The following NR1H4 variants were observed in gnomAD, a reference collection of about 807,000 sequenced individuals.
NR1H4 encodes the protein nuclear receptor subfamily 1 group H member 4.
In NR1H4, 23 loss-of-function variants were observed where a neutral mutation model predicts 58.5. The observed-to-expected ratio is 0.39, with a 90% CI of 0.28 to 0.56. The LOEUF is 0.56. Among genes scored for constraint, NR1H4 ranks in the 20% least tolerant of loss-of-function variants. NR1H4 has a pLI of 0.58. For synonymous variants in NR1H4, 214 were observed against 198.0 expected, an observed-to-expected ratio of 1.08 and a Z score of -0.68; for missense variants, 487 against 576.9, an observed-to-expected ratio of 0.84 and a Z score of 1.60.
At chr12:100,541,771 A>G (rs1954941575) in intron 9 of NR1H4, among the ~76,000 whole-genome samples, 1 of 151,192 alleles carries the variant, frequency 6.6e-6, no homozygotes, top group Non-Finnish European at 1.5e-5. Context: ...TAATTTTTGT[A>G]TTTTTAGTAG....
intron 9 of NR1H4, among the ~76,000 whole-genome samples, chr12:100,551,107 C>G (rs1243253079): frequency 6.6e-6 from 1 of 152,126 alleles, no homozygotes; most frequent in Non-Finnish European, 1.5e-5. Context: ...TAATATTTGC[C>G]CAACTATCTG....
At chr12:100,548,120 C>A (rs2136280544) in intron 9 of NR1H4, among the ~76,000 whole-genome samples, 1 of 150,506 alleles carries the variant, frequency 6.6e-6, no homozygotes, top group East Asian at 2.0e-4. Context: ...GTAATCCCAG[C>A]CCTTTGGGAG....
At position 100,543,239 on chromosome 12, in the gene NR1H4, A is replaced by C. The variant is rs751455478; in HGVS notation, c.1078+2421A>C. On this transcript the variant is annotated intron_variant, in intron 9 of 10. Transcript: ENST00000392986. ...GAGGGTTACATTAAAGGGAAATAGA[A>C]AGGAATAAAAGAATCAGATGATTGA... 1.2e-4 allele frequency among the ~76,000 whole-genome samples: 18 copies of C among 152,150 alleles called. 1 individual carries two copies. The highest frequency in any genetic ancestry group is 2.4e-4 in the Non-Finnish European group (16 of 68,020).
chr12:100,495,776 A>C (rs1953702628), intron 3 of NR1H4, among the ~76,000 whole-genome samples: 1 of 151,176 alleles, frequency 6.6e-6, no homozygotes, highest in South Asian at 2.1e-4. Flanking sequence ...GGTATGCCAA[A>C]GGGGAGGACG....
Position 100,545,235 on chromosome 12 carries a change from A to G in NR1H4, c.1078+4417A>G, listed in dbSNP as rs1215352157. ...TGGGTTAGTACCAGATTCCTTCCCC[A>G]GCCTGGCTGAGGTGGGGAAAATCCC... On this transcript the variant is annotated intron_variant, in intron 9 of 10. Transcript: ENST00000392986. 1.3e-5 allele frequency among the ~76,000 whole-genome samples: 2 copies of G among 151,682 alleles called. 1 individual carries two copies. The highest frequency in any genetic ancestry group is 4.8e-5 in the African/African-American group (2 of 41,400).
In NR1H4 at chr12:100,560,336, C is replaced by T. The variant is rs183887999; in HGVS notation, c.1079-1549C>T. ...CCACACTGTGGAGGCTTTGTTCTTT[C>T]GCTCTTTGCAATAACTCTTGCTACT... On this transcript the variant is annotated intron_variant, in intron 9 of 10. Coordinates refer to ENST00000392986, the MANE Select transcript of NR1H4 (RefSeq NM_001206979.2). Among the ~76,000 whole-genome samples the T allele has an allele frequency of 4.3e-4, 65 of 152,300 alleles. No homozygotes were observed. The Middle Eastern group carries it at 0.014, about 32-fold the overall frequency.
At chr12:100,505,727 AT>A in intron 3 of NR1H4, 1 of 631,950 alleles carries the variant, frequency 1.6e-6, no homozygotes, top group East Asian at 2.8e-5. Context: ...AAATTTTAAT[AT>A]GTATTTTCCC....
intron 4 of NR1H4, among the ~76,000 whole-genome samples, chr12:100,527,099 A>G (rs944580471): frequency 3.9e-4 from 60 of 152,342 alleles, no homozygotes; most frequent in Non-Finnish European, 8.4e-4. Flanking sequence ...TATGAACTCA[A>G]ACTGGGGACG....
chr12:100,498,570 G>A (rs535184569), intron 3 of NR1H4, among the ~76,000 whole-genome samples: 8 of 151,870 alleles, frequency 5.3e-5, no homozygotes, highest in South Asian at 2.1e-4. Flanking sequence ...CCCAGGAGGC[G>A]GAGGTTACAA....
chr12:100,490,047 T>A (rs1186557989), intron 1 of NR1H4, among the ~76,000 whole-genome samples: 1 of 152,196 alleles, frequency 6.6e-6, no homozygotes, highest in Non-Finnish European at 1.5e-5. Flanking sequence ...AATTATGTCC[T>A]AAGCTTTTGT....
At chr12:100,493,146 A>G (rs1953639385) in intron 2 of NR1H4, 124 bp from the exon 3 acceptor site, 2 of 608,898 alleles carry the variant, frequency 3.3e-6, no homozygotes, top group East Asian at 5.6e-5. Context: ...GAAAGGCTAT[A>G]GTAAAATGCA....
intron 3 of NR1H4, chr12:100,505,666 A>T: frequency 1.4e-6 from 1 of 697,812 alleles, no homozygotes; most frequent in Non-Finnish European, 2.6e-6. Context: ...AAGGAATCCT[A>T]ATTCTCATAC....
Position 100,540,825 on chromosome 12 carries a change from G to T in NR1H4, c.1078+7G>T. ...GAAAGAATTCGAAATAGTGGTAAGT[G>T]ATTTGGCTAATGGTAAAAGAGTTTG... On this transcript the variant is annotated splice_region_variant and intron_variant, in intron 9 of 10. Coordinates refer to ENST00000392986, the MANE Select transcript of NR1H4 (RefSeq NM_001206979.2). The T allele has an allele frequency of 6.2e-7, 1 of 1,613,998 alleles. No homozygotes were observed. The highest frequency in any genetic ancestry group is 1.1e-5 in the South Asian group (1 of 91,056).
intron 4 of NR1H4, among the ~76,000 whole-genome samples, chr12:100,513,662 G>A (rs1452599420): frequency 2.0e-5 from 3 of 152,096 alleles, no homozygotes; most frequent in Non-Finnish European, 4.4e-5. Context: ...GGGCATAGTG[G>A]CACGCACCTG....
chr12:100,486,752 C>G (rs1953500120), intron 1 of NR1H4, among the ~76,000 whole-genome samples: 1 of 151,562 alleles, frequency 6.6e-6, no homozygotes, highest in South Asian at 2.1e-4. Flanking sequence ...AAACTAAAGT[C>G]TTAAAGAAGC....
At chr12:100,536,666 T>TA in intron 7 of NR1H4, 56 bp downstream of exon 7, 1 of 992,968 alleles carries the variant, frequency 1.0e-6, no homozygotes, top group Non-Finnish European at 1.6e-6. Context: ...CTGGAGTTTT[T>TA]ATTGCCTTGG....
chr12:100,533,997 C>T (rs1452422468), intron 5 of NR1H4, among the ~76,000 whole-genome samples: 3 of 151,734 alleles, frequency 2.0e-5, no homozygotes, highest in Admixed American at 6.6e-5. Context: ...CCCGGGTTCA[C>T]GCCATTCTCC....
At chr12:100,505,437 T>C (rs1327742633) in intron 3 of NR1H4, 1 of 486,072 alleles carries the variant, frequency 2.1e-6, no homozygotes, top group South Asian at 4.2e-5. Context: ...TCAATATCCC[T>C]ATGTGGTTAG....
intron 3 of NR1H4, among the ~76,000 whole-genome samples, chr12:100,504,073 G>GA (rs1291730840): frequency 6.6e-6 from 1 of 151,834 alleles, no homozygotes; most frequent in Non-Finnish European, 1.5e-5. Flanking sequence ...AAAAAAAAAT[G>GA]AAAAGAGTTT....
Sources: allele counts gnomAD v4.1 joint callset (sites outside exome capture counted in the v4.1 genomes callset), GRCh38; gene constraint gnomAD v4.1.1; transcripts MANE v1.5; gene names NCBI Gene and HGNC (gene_info 2026-07-23, HGNC 2026-07-21).